The following ACOX3 variants were observed in gnomAD, a reference collection of about 807,000 sequenced individuals.
ACOX3 encodes the protein acyl-CoA oxidase 3, pristanoyl, also known as peroxisomal acyl-coenzyme A oxidase 3.
A neutral mutation model predicts 81.5 loss-of-function variants in ACOX3; 73 were observed. The ratio of observed to expected loss-of-function variants is 0.90; its 90% confidence interval spans 0.74 to 1.09. The LOEUF is 1.09. Among genes scored for constraint, ACOX3 ranks in the 50% least tolerant of loss-of-function variants. ACOX3 has a pLI of 0.00. For synonymous variants in ACOX3, 387 were observed against 375.1 expected (o/e 1.03, Z -0.37); for missense variants, 947 against 928.0 (o/e 1.02, Z -0.27).
Position 8,385,214 on chromosome 4 carries a change from C to T in ACOX3, c.1538-3607G>A, listed in dbSNP as rs532238342. 9.9e-5 allele frequency among the ~76,000 whole-genome samples: 15 copies of T among 152,270 alleles called. No individual in the cohort carries two copies. Among genetic ancestry groups the T allele is most frequent in the African/African-American group, 2.9e-4 (12 of 41,556 alleles). On this transcript the variant is annotated intron_variant, in intron 13 of 17. Transcript: ENST00000356406. This position sits in a 1 kb window ranked among gnomAD's most constrained non-coding sequence, Gnocchi z 5.5. ...CCCTCTGGGAGCACTGTCTGCACCACGAACCCCACTGCTCACCTCATATGA... is the reference window on the plus strand; with the variant it reads ...CCCTCTGGGAGCACTGTCTGCACCATGAACCCCACTGCTCACCTCATATGA...
chr4:8,382,274 C>G lies in ACOX3; in HGVS notation c.1538-667G>C, dbSNP rs1024452183. ...GCTGGAGACCCCCCTTCGTCCTCCC[C>G]TTCCCCTGGCAGTGGTGCCCACATC... is the stretch of plus-strand genomic sequence containing the variant. On this transcript the variant is annotated intron_variant, in intron 13 of 17. Coordinates refer to ENST00000356406, the MANE Select transcript of ACOX3 (RefSeq NM_003501.3). The surrounding 1 kb of genome is among the most constrained non-coding windows in gnomAD (Gnocchi z 4.1). Among the ~76,000 whole-genome samples, 2 of 152,234 alleles carry G rather than the reference C, an allele frequency of 1.3e-5. No individual in the cohort carries two copies. The highest frequency in any genetic ancestry group is 1.3e-4 in the Admixed American group (2 of 15,288).
chr4:8,365,465 C>T (rs936327724), downstream of ACOX3, among the ~76,000 whole-genome samples: 3 of 152,246 alleles, frequency 2.0e-5, no homozygotes, highest in Non-Finnish European at 2.9e-5. Flanking sequence ...CCTATTGCGT[C>T]TCAGCCCTGT....
Position 8,430,309 on chromosome 4 carries a change from A to G in ACOX3, c.-15+10339T>C, listed in dbSNP as rs1723883812. ...TCGGAAGTGATCCTTAGTCTAGACTAGCCTTCCCAGCCAGGGGTCTATTGT... is the reference window on the plus strand; with the variant it reads ...TCGGAAGTGATCCTTAGTCTAGACTGGCCTTCCCAGCCAGGGGTCTATTGT... On this transcript the variant is annotated intron_variant, in intron 1 of 17. Coordinates refer to ENST00000356406, the MANE Select transcript of ACOX3 (RefSeq NM_003501.3). This position sits in a 1 kb window ranked among gnomAD's most constrained non-coding sequence, Gnocchi z 5.2. Among the ~76,000 whole-genome samples the G allele has an allele frequency of 6.6e-6, 1 of 152,218 alleles. No homozygotes were observed. The highest frequency in any genetic ancestry group is 1.5e-5 in the Non-Finnish European group (1 of 68,028).
chr4:8,408,021 T>A (rs971908641), intron 6 of ACOX3, among the ~76,000 whole-genome samples: 3 of 152,120 alleles, frequency 2.0e-5, no homozygotes, highest in African/African-American at 7.2e-5. Context: ...GCCCAAACTG[T>A]CAACAGTGCC....
Position 8,398,627 on chromosome 4 carries a change from T to A in ACOX3, c.873+929A>T, listed in dbSNP as rs375653426. Among the ~76,000 whole-genome samples, 16 of 152,260 alleles carry A rather than the reference T, an allele frequency of 1.1e-4. No homozygotes were observed. In the East Asian group the frequency reaches 2.9e-3, roughly 28 times the overall value. On this transcript the variant is annotated intron_variant, in intron 8 of 17. Transcript: ENST00000356406. ...CAAGTAACGGACCACAGGCACACGC[T>A]ACCATGCCCGGCTAATTTTTGCATT... is the stretch of plus-strand genomic sequence containing the variant.
the ACOX3 span, chr4:8,356,674 G>C: frequency 7.0e-5 from 32 of 455,760 alleles, no homozygotes; most frequent in South Asian, 5.0e-4. Flanking sequence ...CCTGTTCCTG[G>C]CAGGTGAGGG....
intron 1 of ACOX3, among the ~76,000 whole-genome samples, chr4:8,426,367 A>C (rs1015562813): frequency 2.0e-5 from 3 of 152,054 alleles, no homozygotes; most frequent in Non-Finnish European, 2.9e-5. Context: ...AGACACATCA[A>C]ACCCTGGATA....
chr4:8,422,075 G>A (rs370067425), intron 1 of ACOX3, among the ~76,000 whole-genome samples: 3 of 152,300 alleles, frequency 2.0e-5, no homozygotes, highest in East Asian at 1.9e-4. Context: ...GGGGCAACGA[G>A]CGAACATTCT....
In ACOX3 at chr4:8,419,627, A is replaced by G. The variant is rs1034505650; in HGVS notation, c.-14-3092T>C. 4.6e-5 allele frequency among the ~76,000 whole-genome samples: 7 copies of G among 152,124 alleles called. No homozygotes were observed. The highest frequency in any genetic ancestry group is 1.4e-4 in the African/African-American group (6 of 41,410). ...TGACTCAGCAATTCCACTCTGAGGTATGTACGCAAGAGAACCGAAAACATC... is the reference window on the plus strand; with the variant it reads ...TGACTCAGCAATTCCACTCTGAGGTGTGTACGCAAGAGAACCGAAAACATC... On this transcript the variant is annotated intron_variant, in intron 1 of 17. Transcript: ENST00000356406. This position sits in a 1 kb window ranked among gnomAD's most constrained non-coding sequence, Gnocchi z 4.2.
chr4:8,399,804 CA>C lies in ACOX3; in HGVS notation c.777-153del, dbSNP rs1176449341. ...AGGAACATTCAACCAACTTTCTATTCAAAAAAGTAGTCTAGTCAGGAACAGT... is the reference window on the plus strand; with the variant it reads ...AGGAACATTCAACCAACTTTCTATTCAAAAAGTAGTCTAGTCAGGAACAGT... On this transcript the variant is annotated intron_variant, in intron 7 of 17. Coordinates refer to ENST00000356406, the MANE Select transcript of ACOX3 (RefSeq NM_003501.3). This position sits in a 1 kb window ranked among gnomAD's most constrained non-coding sequence, Gnocchi z 4.9. 3.0e-6 allele frequency: 2 copies of C among 667,842 alleles called. No homozygotes were observed. The highest frequency in any genetic ancestry group is 5.2e-6 in the Non-Finnish European group (2 of 388,004). The allele number at this position is 667,842 out of a possible 1,614,324, so 41.4% of individuals were successfully genotyped here.
In ACOX3 at chr4:8,394,596, C is replaced by A. The variant is rs1278348241; in HGVS notation, c.1179+24G>T. The A allele has an allele frequency of 6.2e-7, 1 of 1,610,762 alleles. No homozygotes were observed. The highest frequency in any genetic ancestry group is 2.2e-5 in the East Asian group (1 of 44,770). On this transcript the variant is annotated intron_variant, in intron 10 of 17. Transcript: ENST00000356406. This position sits in a 1 kb window ranked among gnomAD's most constrained non-coding sequence, Gnocchi z 5.9. ...ACCGTGTGAGATTTAAACGATGCTGCTGAGGAAGCAGACACCACCTCACCT... is the reference window on the plus strand; with the variant it reads ...ACCGTGTGAGATTTAAACGATGCTGATGAGGAAGCAGACACCACCTCACCT...
At chr4:8,365,859 G>A (rs191271715), downstream of ACOX3, among the ~76,000 whole-genome samples, 482 of 152,264 alleles carry the variant, frequency 3.2e-3, 2 homozygotes, top group Non-Finnish European at 5.3e-3. Context: ...CCCTTCAGAC[G>A]CTCAAAAGTT....
chr4:8,383,210 C>T (rs1246486037), intron 13 of ACOX3, among the ~76,000 whole-genome samples: 1 of 152,178 alleles, frequency 6.6e-6, no homozygotes, highest in Non-Finnish European at 1.5e-5. Flanking sequence ...CTGCTGACCC[C>T]GCAGGCAGGG....
chr4:8,401,825 C>G (rs1161641069), intron 7 of ACOX3, among the ~76,000 whole-genome samples: 1 of 152,234 alleles, frequency 6.6e-6, no homozygotes, highest in Admixed American at 6.5e-5. Context: ...TGGCCTCATG[C>G]CCTCCATGCA....
chr4:8,424,889 TG>T (rs1560205913), intron 1 of ACOX3, among the ~76,000 whole-genome samples: 2 of 152,192 alleles, frequency 1.3e-5, no homozygotes. Flanking sequence ...GGGTATGCAG[TG>T]GTCAGTGATA....
chr4:8,360,772 T>C, the ACOX3 span, among the ~76,000 whole-genome samples: 5 of 152,278 alleles, frequency 3.3e-5, no homozygotes, highest in South Asian at 8.3e-4. Context: ...GCGCCCAACC[T>C]GACTTTTAAA....
At position 8,415,925 on chromosome 4, in the gene ACOX3, C is replaced by G. The variant is rs1411664844; in HGVS notation, c.219G>C (p.Lys73Asn). The G allele has an allele frequency of 6.2e-7, 1 of 1,614,098 alleles. No individual in the cohort carries two copies. Among genetic ancestry groups the G allele is most frequent in the Non-Finnish European group, 8.5e-7 (1 of 1,180,050 alleles). The change falls in exon 3 of 18, where the codon AAG (lysine) becomes AAC (asparagine). Residue 73 changes from lysine (K) to asparagine (N), a missense_variant. Transcript: ENST00000356406. ...RSPGADLSLEKYRELNFLRCK... is the reference protein window; with the variant it reads ...RSPGADLSLENYRELNFLRCK... ...ATCGAAGGAAGTTCAGCTCGCGATA[C>G]TTCTCCAAGGACAGATCGGCTCCAG...
intron 13 of ACOX3, among the ~76,000 whole-genome samples, chr4:8,383,211 G>A (rs1560173709): frequency 4.6e-5 from 7 of 152,196 alleles, no homozygotes; most frequent in African/African-American, 2.4e-5. Context: ...TGCTGACCCC[G>A]CAGGCAGGGC....
intron 1 of ACOX3, among the ~76,000 whole-genome samples, chr4:8,434,347 T>C (rs550191259): frequency 9.2e-5 from 14 of 152,330 alleles, no homozygotes; most frequent in African/African-American, 3.1e-4. Flanking sequence ...TAATCCGGTG[T>C]CTGAGGAGTT....
Sources: allele counts gnomAD v4.1 joint callset (sites outside exome capture counted in the v4.1 genomes callset), GRCh38; gene constraint gnomAD v4.1.1; non-coding constraint Gnocchi (gnomAD v3.1); transcripts MANE v1.5; gene names NCBI Gene and HGNC (gene_info 2026-07-23, HGNC 2026-07-21).